CNOT6L: variants seen among roughly 807,000 people sequenced by gnomAD.
The protein encoded by CNOT6L is CCR4-NOT transcription complex subunit 6 like.
Under a neutral mutation model 64.0 loss-of-function variants are expected in CNOT6L, and 7 were observed. That is an observed-to-expected ratio of 0.11 (90% CI 0.06 to 0.21). The LOEUF (loss-of-function observed/expected upper bound fraction) is 0.21, where lower values mean the gene tolerates loss of function less well. Among genes scored for constraint, CNOT6L ranks in the 10% least tolerant of loss-of-function variants. The pLI, the probability that CNOT6L is intolerant of heterozygous loss-of-function variation, is 1.00. For synonymous variants in CNOT6L, 193 were observed against 243.4 expected (o/e 0.79, Z 1.93); for missense variants, 245 against 669.0 (o/e 0.37, Z 6.99).
At chr4:77,737,406 C>CTTTTTTTTTTTTTTTTT (rs56952956) in intron 8 of CNOT6L, among the ~76,000 whole-genome samples, 1 of 82,374 alleles carries the variant, frequency 1.2e-5, no homozygotes, top group African/African-American at 4.7e-5. Flanking sequence ...TTGTACCGTT[C>CTTTTTTTTTTTTTTTTT]TTTTTTTTTT....
At chr4:77,772,240 T>G (rs984846712) in intron 4 of CNOT6L, among the ~76,000 whole-genome samples, 25 of 152,144 alleles carry the variant, frequency 1.6e-4, no homozygotes, top group Non-Finnish European at 5.9e-5. Flanking sequence ...AGTAATCCCT[T>G]TTTTTTCTTG....
intron 6 of CNOT6L, 36 bp from the exon 7 acceptor site, chr4:77,744,911 AG>A: frequency 6.4e-7 from 1 of 1,567,452 alleles, no homozygotes; most frequent in African/African-American, 1.4e-5. Context: ...GACAAACGGG[AG>A]AAAATTAGGC....
chr4:77,779,062 ACAAAAAAAAAAC>A (rs1459953685), intron 1 of CNOT6L, among the ~76,000 whole-genome samples: 5 of 90,528 alleles, frequency 5.5e-5, no homozygotes, highest in Non-Finnish European at 9.5e-5. Flanking sequence ...AAAAAAAAAA[ACAAAAAAAAAAC>A]ACAAAAAACA....
At chr4:77,818,916 G>C (rs1348562490) in intron 1 of CNOT6L, 11 of 552,618 alleles carry the variant, frequency 2.0e-5, no homozygotes, top group Non-Finnish European at 3.7e-5. Flanking sequence ...CCCCGCTGCC[G>C]CGCGTGTGCC....
chr4:77,731,322 G>A (rs1722424686), intron 9 of CNOT6L, 65 bp downstream of exon 9: 1 of 1,500,448 alleles, frequency 6.7e-7, no homozygotes, highest in Non-Finnish European at 9.1e-7. Context: ...CTCTTCACTT[G>A]TTTTGAGATG....
chr4:77,727,999 T>C (rs1722059299), intron 10 of CNOT6L, among the ~76,000 whole-genome samples: 1 of 133,822 alleles, frequency 7.5e-6, no homozygotes, highest in Non-Finnish European at 1.6e-5. Context: ...GCAGTGATAA[T>C]ATACAAAATT....
At chr4:77,798,750 C>T (rs1264094814) in intron 1 of CNOT6L, among the ~76,000 whole-genome samples, 1 of 150,976 alleles carries the variant, frequency 6.6e-6, no homozygotes, top group East Asian at 1.9e-4. Flanking sequence ...TTTGGGAGGC[C>T]GAGGTGGGAG....
intron 1 of CNOT6L, among the ~76,000 whole-genome samples, chr4:77,778,365 C>T (rs143608370): frequency 2.0e-5 from 3 of 151,582 alleles, no homozygotes; most frequent in South Asian, 2.1e-4. Context: ...GGTAAAACAC[C>T]CTAAATTTTC....
At chr4:77,815,466 C>T (rs1361376639) in intron 1 of CNOT6L, among the ~76,000 whole-genome samples, 1 of 152,164 alleles carries the variant, frequency 6.6e-6, no homozygotes, top group African/African-American at 2.4e-5. Flanking sequence ...CCTCTCCCCA[C>T]CACTCTCCAC....
chr4:77,743,189 A>G (rs541260523), intron 7 of CNOT6L, among the ~76,000 whole-genome samples: 20 of 152,282 alleles, frequency 1.3e-4, no homozygotes, highest in Non-Finnish European at 2.4e-4. Context: ...ATCATGCTTT[A>G]TATTTTTTCA....
chr4:77,732,723 T>G (rs559540927), intron 8 of CNOT6L, among the ~76,000 whole-genome samples: 1 of 151,836 alleles, frequency 6.6e-6, no homozygotes, highest in African/African-American at 2.4e-5. Flanking sequence ...GTTACTAAGG[T>G]GAAGAATGGG....
intron 1 of CNOT6L, among the ~76,000 whole-genome samples, chr4:77,788,854 T>C (rs1244541788): frequency 1.3e-5 from 2 of 151,398 alleles, no homozygotes; most frequent in African/African-American, 4.9e-5. Context: ...TAAAATATAA[T>C]GCCACTTTCA....
At position 77,755,921 on chromosome 4, in the gene CNOT6L, TAG is replaced by T. The variant is rs1358736795; in HGVS notation, c.490+939_490+940del. On this transcript the variant is annotated intron_variant, in intron 5 of 11. Coordinates refer to ENST00000504123, the MANE Select transcript of CNOT6L (RefSeq NM_144571.3). Reference sequence around the variant, plus strand: ...TACTTTTACTCATATTTTCAGAGCTTAGGCAAAAAAAAAAAAAAGTTTTAAAT... The same window carrying T: ...TACTTTTACTCATATTTTCAGAGCTTGCAAAAAAAAAAAAAAGTTTTAAAT... Among the ~76,000 whole-genome samples, 62 of 150,510 alleles carry T rather than the reference TAG, an allele frequency of 4.1e-4. No homozygotes were observed. In the East Asian group the frequency reaches 0.012, roughly 29 times the overall value.
intron 8 of CNOT6L, among the ~76,000 whole-genome samples, chr4:77,732,349 A>C (rs1372144952): frequency 6.6e-6 from 1 of 152,090 alleles, no homozygotes; most frequent in African/African-American, 2.4e-5. Flanking sequence ...AACCTTTTTC[A>C]GTCTAATTTT....
chr4:77,763,624 C>T (rs1427915145), intron 4 of CNOT6L, among the ~76,000 whole-genome samples: 2 of 152,058 alleles, frequency 1.3e-5, no homozygotes, highest in African/African-American at 4.8e-5. Context: ...CATAGGAAAT[C>T]TGAGAAATAC....
Position 77,812,741 on chromosome 4 carries a change from A to G in CNOT6L, c.5+6563T>C, listed in dbSNP as rs1733101277. 2.0e-5 allele frequency among the ~76,000 whole-genome samples: 3 copies of G among 152,162 alleles called. No homozygotes were observed. The South Asian group carries it at 6.2e-4, about 32-fold the overall frequency. On this transcript the variant is annotated intron_variant, in intron 1 of 11. Transcript: ENST00000504123. ...AGGAAGCCCTAATATTCAGATGGCA[A>G]TGGTCCCAAAATTGATGTACAGATT...
chr4:77,778,597 G>A (rs1728421360), intron 1 of CNOT6L, among the ~76,000 whole-genome samples: 1 of 151,856 alleles, frequency 6.6e-6, no homozygotes, highest in South Asian at 2.1e-4. Flanking sequence ...GTAGAGATGG[G>A]GGTTTCACCA....
intron 8 of CNOT6L, among the ~76,000 whole-genome samples, chr4:77,740,655 G>A (rs893572611): frequency 2.0e-5 from 3 of 152,034 alleles, no homozygotes; most frequent in African/African-American, 4.8e-5. Context: ...TAAACAATTC[G>A]AAAAGGCTGA....
chr4:77,793,963 C>T (rs977724651), intron 1 of CNOT6L, among the ~76,000 whole-genome samples: 9 of 151,480 alleles, frequency 5.9e-5, no homozygotes, highest in African/African-American at 9.7e-5. Flanking sequence ...CCAGCCTGGC[C>T]AACATAGTAA....
Sources: gnomAD v4.1 joint callset for allele counts (sites outside exome capture counted in the v4.1 genomes callset) on GRCh38, gnomAD v4.1.1 for gene constraint, MANE v1.5 for transcripts, NCBI Gene and HGNC (gene_info 2026-07-23, HGNC 2026-07-21) for gene names.